NKAIN3: variants seen among roughly 807,000 people sequenced by gnomAD.
NKAIN3 encodes the protein sodium/potassium transporting ATPase interacting 3.
In NKAIN3, 25 loss-of-function variants were observed where a neutral mutation model predicts 30.2. The observed-to-expected ratio is 0.83, with a 90% CI of 0.60 to 1.16. NKAIN3 has a LOEUF of 1.16. Ranked by LOEUF, NKAIN3 falls within the 50% of genes most tolerant of loss-of-function variation. NKAIN3 has a pLI of 0.00. For synonymous variants in NKAIN3, 91 were observed against 89.6 expected, an observed-to-expected ratio of 1.02 and a Z score of -0.09; for missense variants, 225 against 254.1, an observed-to-expected ratio of 0.89 and a Z score of 0.78.
intron 1 of NKAIN3, among the ~76,000 whole-genome samples, chr8:62,411,793 T>A (rs184249863): frequency 6.6e-6 from 1 of 152,006 alleles, no homozygotes; most frequent in Non-Finnish European, 1.5e-5. Context: ...AGAACACAAT[T>A]CCCACCTCTA....
In NKAIN3 at chr8:62,579,525, T is replaced by C; in HGVS notation, c.55-14T>C. On this transcript the variant is annotated splice_polypyrimidine_tract_variant and intron_variant, in intron 1 of 6. Transcript: ENST00000623646. The stretch of plus-strand genomic sequence containing the variant: ...TTGGATTCAATGCTAATGAACTTTC[T>C]TTTTTTGTTGTAGGTCTCAGCATTA... 1.9e-6 allele frequency: 3 copies of C among 1,588,890 alleles called. No individual in the cohort carries two copies. The highest frequency in any genetic ancestry group is 2.6e-6 in the Non-Finnish European group (3 of 1,169,194).
intron 5 of NKAIN3, among the ~76,000 whole-genome samples, chr8:62,942,745 A>G (rs954459892): frequency 6.6e-6 from 1 of 152,146 alleles, no homozygotes; most frequent in Non-Finnish European, 1.5e-5. Flanking sequence ...CAGCCAACTG[A>G]TCTTCGACAA....
intron 4 of NKAIN3, among the ~76,000 whole-genome samples, chr8:62,777,024 C>T (rs560786931): frequency 6.6e-6 from 1 of 152,104 alleles, no homozygotes. Flanking sequence ...TATGTCATGC[C>T]GCTCTCATGC....
intron 1 of NKAIN3, among the ~76,000 whole-genome samples, chr8:62,544,599 T>C (rs545309165): frequency 1.2e-4 from 19 of 152,300 alleles, no homozygotes; most frequent in African/African-American, 3.8e-4. Context: ...ATAGCATAAA[T>C]AATTTAGATT....
intron 1 of NKAIN3, among the ~76,000 whole-genome samples, chr8:62,432,125 A>G (rs1805021591): frequency 6.6e-6 from 1 of 151,916 alleles, no homozygotes; most frequent in South Asian, 2.1e-4. Flanking sequence ...AAATAGAAAA[A>G]TCACTCAAAA....
At chr8:62,318,557 G>T (rs1814745893) in intron 1 of NKAIN3, among the ~76,000 whole-genome samples, 1 of 149,944 alleles carries the variant, frequency 6.7e-6, no homozygotes, top group Admixed American at 6.6e-5. Context: ...AGATAATCAT[G>T]TGGTTTTTGT....
chr8:62,908,186 G>A (rs1040522007), intron 4 of NKAIN3, among the ~76,000 whole-genome samples: 19 of 152,172 alleles, frequency 1.2e-4, no homozygotes, highest in African/African-American at 4.3e-4. Context: ...GACTTCCAAG[G>A]GGCCTGTAGC....
At chr8:62,710,876 T>G (rs1182657799) in intron 3 of NKAIN3, among the ~76,000 whole-genome samples, 1 of 152,204 alleles carries the variant, frequency 6.6e-6, no homozygotes, top group East Asian at 1.9e-4. Flanking sequence ...TTTGATGTGT[T>G]TCCTAGATTG....
rs181162185 is a variant in NKAIN3, at chr8:62,732,359, A to G, written c.274-14573A>G. ...TTTCTTTTTGATTTCTTCTCAATGA[A>G]TGAAGTCTTACCAAAATGTAAAAGT... On this transcript the variant is annotated intron_variant, in intron 3 of 6. Coordinates refer to ENST00000623646, the MANE Select transcript of NKAIN3 (RefSeq NM_001304533.3). 2.0e-5 allele frequency among the ~76,000 whole-genome samples: 3 copies of G among 152,144 alleles called. No individual in the cohort carries two copies. In the East Asian group the frequency reaches 5.8e-4, roughly 29 times the overall value.
intron 1 of NKAIN3, among the ~76,000 whole-genome samples, chr8:62,454,556 C>G (rs1805755913): frequency 6.6e-6 from 1 of 152,044 alleles, no homozygotes; most frequent in South Asian, 2.1e-4. Flanking sequence ...CATTCATGCC[C>G]ACATGAATTA....
intron 4 of NKAIN3, among the ~76,000 whole-genome samples, chr8:62,770,384 T>C (rs1357272850): frequency 6.6e-6 from 1 of 152,204 alleles, no homozygotes; most frequent in East Asian, 1.9e-4. Context: ...TACTACAGAC[T>C]GAGTAGTTTA....
intron 1 of NKAIN3, among the ~76,000 whole-genome samples, chr8:62,469,933 A>G (rs1202257780): frequency 6.6e-6 from 1 of 152,228 alleles, no homozygotes; most frequent in Non-Finnish European, 1.5e-5. Flanking sequence ...AAACTACAAC[A>G]AAGTGTCTTC....
intron 1 of NKAIN3, among the ~76,000 whole-genome samples, chr8:62,339,778 G>T (rs73684906): frequency 0.039 from 5,959 of 152,004 alleles, 425 homozygotes; most frequent in African/African-American, 0.14. Flanking sequence ...AAAAAGTAAT[G>T]TGCATATTTT....
intron 5 of NKAIN3, among the ~76,000 whole-genome samples, chr8:62,929,512 A>G (rs1290452843): frequency 6.6e-6 from 1 of 152,202 alleles, no homozygotes; most frequent in Non-Finnish European, 1.5e-5. Flanking sequence ...CCTAAAGTCA[A>G]AGCCAAGGTG....
intron 1 of NKAIN3, among the ~76,000 whole-genome samples, chr8:62,546,885 T>C (rs1343573527): frequency 1.3e-5 from 2 of 152,162 alleles, no homozygotes; most frequent in Non-Finnish European, 2.9e-5. Flanking sequence ...AAATATTGAA[T>C]GATGGGATTT....
chr8:62,572,757 A>C (rs1251554882), intron 1 of NKAIN3, among the ~76,000 whole-genome samples: 1 of 152,150 alleles, frequency 6.6e-6, no homozygotes, highest in Admixed American at 6.5e-5. Context: ...CTTATTCACT[A>C]TCATGAGAAA....
At chr8:62,888,978 A>C (rs1310766789) in intron 4 of NKAIN3, among the ~76,000 whole-genome samples, 1 of 152,214 alleles carries the variant, frequency 6.6e-6, no homozygotes, top group East Asian at 1.9e-4. Context: ...AATTTTTAGC[A>C]AAAGTTTCTT....
At chr8:62,272,485 A>G (rs763255555) in intron 1 of NKAIN3, among the ~76,000 whole-genome samples, 7 of 152,192 alleles carry the variant, frequency 4.6e-5, no homozygotes, top group South Asian at 4.1e-4. Context: ...GCTAAAGACA[A>G]AAGTCCTCAT....
intron 5 of NKAIN3, among the ~76,000 whole-genome samples, chr8:62,924,166 T>C (rs921723730): frequency 1.3e-5 from 2 of 152,118 alleles, no homozygotes; most frequent in African/African-American, 4.8e-5. Context: ...ACCAAGAGCT[T>C]TCATACCCAG....
Sources: gnomAD v4.1 joint callset for allele counts (sites outside exome capture counted in the v4.1 genomes callset) on GRCh38, gnomAD v4.1.1 for gene constraint, MANE v1.5 for transcripts, NCBI Gene and HGNC (gene_info 2026-07-23, HGNC 2026-07-21) for gene names.